RP1: variants seen among roughly 807,000 people sequenced by gnomAD.
The protein encoded by RP1 is RP1 axonemal microtubule associated.
RP1 carries 16 observed loss-of-function variants against 14.8 expected under a neutral mutation model. That is an observed-to-expected ratio of 1.08 (90% confidence interval 0.73 to 1.65). The LOEUF (loss-of-function observed/expected upper bound fraction) is 1.65, where lower values mean the gene tolerates loss of function less well. Among genes scored for constraint, RP1 ranks in the 40% most tolerant of loss-of-function variants. RP1 has a pLI of 0.00. For missense variants in RP1, 2,631 were observed against 2,535.0 expected, an observed-to-expected ratio of 1.04 and a Z score of -0.81; for synonymous variants, 876 against 883.6, an observed-to-expected ratio of 0.99 and a Z score of 0.15.
chr8:54,575,717 A>G (rs1193874718), intron 1 of RP1, among the ~76,000 whole-genome samples: 1 of 152,096 alleles, frequency 6.6e-6, no homozygotes, highest in African/African-American at 2.4e-5. Context: ...ATTTGTGCAC[A>G]GATTATTTTG....
At chr8:54,840,072 T>G (rs534043189) in intron 25 of RP1, among the ~76,000 whole-genome samples, 1 of 152,234 alleles carries the variant, frequency 6.6e-6, no homozygotes, top group East Asian at 1.9e-4. Context: ...GTTTCTACCC[T>G]GCATGTCTCA....
At chr8:54,809,334 T>A (rs1407911055) in intron 24 of RP1, among the ~76,000 whole-genome samples, 1 of 152,222 alleles carries the variant, frequency 6.6e-6, no homozygotes, top group Non-Finnish European at 1.5e-5. Context: ...TGGGTTGGTA[T>A]CTGTGGGAGT....
chr8:54,592,336 G>A (rs1490264272), intron 1 of RP1, among the ~76,000 whole-genome samples: 3 of 152,168 alleles, frequency 2.0e-5, no homozygotes, highest in Non-Finnish European at 4.4e-5. Context: ...TAGGGTGACA[G>A]CAAAGATGAC....
intron 1 of RP1, among the ~76,000 whole-genome samples, chr8:54,599,851 G>C (rs547597460): frequency 3.9e-5 from 6 of 152,248 alleles, no homozygotes; most frequent in African/African-American, 1.4e-4. Flanking sequence ...ACTATGTTAT[G>C]AGACTCTGGG....
intron 24 of RP1, among the ~76,000 whole-genome samples, chr8:54,821,304 CA>C (rs1811250768): frequency 6.6e-6 from 1 of 152,078 alleles, no homozygotes. Context: ...GAAAGAGATG[CA>C]CACATCCAGA....
At chr8:54,801,893 A>T (rs567006562) in intron 24 of RP1, among the ~76,000 whole-genome samples, 2 of 152,318 alleles carry the variant, frequency 1.3e-5, no homozygotes, top group East Asian at 3.9e-4. Flanking sequence ...CAGGAAAGTC[A>T]TTAATTTGCA....
At chr8:54,726,706 C>A (rs558259982) in intron 17 of RP1, among the ~76,000 whole-genome samples, 1 of 151,940 alleles carries the variant, frequency 6.6e-6, no homozygotes, top group African/African-American at 2.4e-5. Flanking sequence ...TCACCCAGAA[C>A]AATGAGTTGA....
chr8:54,599,410 A>G (rs1805220560), intron 1 of RP1, among the ~76,000 whole-genome samples: 1 of 151,656 alleles, frequency 6.6e-6, no homozygotes, highest in African/African-American at 2.4e-5. Flanking sequence ...AACCCTTGTC[A>G]GATAATTCCA....
At chr8:54,683,038 C>A (rs1380626252) in intron 12 of RP1, among the ~76,000 whole-genome samples, 2 of 152,186 alleles carry the variant, frequency 1.3e-5, no homozygotes, top group Non-Finnish European at 2.9e-5. Context: ...TTTCCCAACA[C>A]CATTTGTTAA....
intron 24 of RP1, among the ~76,000 whole-genome samples, chr8:54,798,839 A>C (rs1810634869): frequency 1.3e-5 from 2 of 152,162 alleles, no homozygotes; most frequent in Non-Finnish European, 2.9e-5. Context: ...CATCTATATT[A>C]GTCTCTATTT....
intron 22 of RP1, among the ~76,000 whole-genome samples, chr8:54,760,700 C>G (rs2129369965): frequency 6.6e-6 from 1 of 152,070 alleles, no homozygotes; most frequent in East Asian, 1.9e-4. Flanking sequence ...GAAATTAGAC[C>G]CCTATAATTA....
intron 19 of RP1, among the ~76,000 whole-genome samples, chr8:54,754,640 C>G (rs1308239959): frequency 1.3e-5 from 2 of 152,140 alleles, no homozygotes; most frequent in Non-Finnish European, 2.9e-5. Flanking sequence ...ATGGCAATTA[C>G]TTTTGCACCA....
exon 29 of RP1, chr8:54,870,252 T>C (rs553945889): frequency 1.2e-4 from 30 of 242,360 alleles, no homozygotes; most frequent in African/African-American, 6.2e-4. Flanking sequence ...TCTCCCTTCT[T>C]TCTTTTCCTT....
At chr8:54,732,862 CATGGGATT>C (rs1808826569) in intron 17 of RP1, among the ~76,000 whole-genome samples, 1 of 152,160 alleles carries the variant, frequency 6.6e-6, no homozygotes, top group Admixed American at 6.5e-5. Flanking sequence ...ATGTAAATGG[CATGGGATT>C]CACACTTGCT....
intron 12 of RP1, among the ~76,000 whole-genome samples, chr8:54,684,874 C>A (rs916346571): frequency 1.3e-5 from 2 of 152,266 alleles, no homozygotes; most frequent in East Asian, 3.9e-4. Context: ...ATATTCTCAG[C>A]AAACTAACAC....
At chr8:54,588,299 G>A (rs1804976781) in intron 1 of RP1, among the ~76,000 whole-genome samples, 1 of 152,214 alleles carries the variant, frequency 6.6e-6, no homozygotes, top group Non-Finnish European at 1.5e-5. Context: ...ATATATGGAA[G>A]GGAGTTGGGT....
At chr8:54,790,833 G>A (rs150057704) in intron 24 of RP1, among the ~76,000 whole-genome samples, 41 of 152,184 alleles carry the variant, frequency 2.7e-4, no homozygotes, top group African/African-American at 8.7e-4. Context: ...TTTAAAAAGC[G>A]AAGAAAGGTT....
chr8:54,863,044 G>GAGATATAT lies in RP1; in HGVS notation c.4070-2790_4070-2789insGATATATA, dbSNP rs766616305. Among the ~76,000 whole-genome samples the GAGATATAT allele has an allele frequency of 5.9e-5, 6 of 101,846 alleles. No individual in the cohort carries two copies. In the South Asian group the frequency reaches 1.2e-3, roughly 20 times the overall value. The allele number at this position is 101,846 out of a possible 152,430, so 66.8% of individuals were successfully genotyped here. ...CTCTACCCCCAGAGTATTCCAAATG[G>GAGATATAT]ATATATATATATATATATATATATA... On this transcript the variant is annotated intron_variant, in intron 27 of 28. Transcript: ENST00000637698.
chr8:54,759,120 G>A (rs760187197), intron 22 of RP1: 2 of 1,492,132 alleles, frequency 1.3e-6, no homozygotes, highest in South Asian at 1.2e-5. Context: ...ATGCTGCACT[G>A]TGGATGATGC....
Sources: gnomAD v4.1 joint callset for allele counts (sites outside exome capture counted in the v4.1 genomes callset) on GRCh38, gnomAD v4.1.1 for gene constraint, MANE v1.5 for transcripts, NCBI Gene and HGNC (gene_info 2026-07-23, HGNC 2026-07-21) for gene names.